NCAM2: variants seen among roughly 807,000 people sequenced by gnomAD.
The protein encoded by NCAM2 is neural cell adhesion molecule 2, also known as N-CAM-2.
NCAM2 carries 30 observed loss-of-function variants against 98.1 expected under a neutral mutation model. The observed-to-expected ratio is 0.31, with a 90% CI of 0.23 to 0.41. The LOEUF (loss-of-function observed/expected upper bound fraction) is 0.41. NCAM2 is among the 10% of genes least tolerant of loss of function. The pLI is 1.00. For missense variants in NCAM2, 867 were observed against 1,005.8 expected (o/e 0.86, Z 1.87); for synonymous variants, 368 against 342.4 (o/e 1.07, Z -0.83).
intron 1 of NCAM2, among the ~76,000 whole-genome samples, chr21:21,117,993 A>G (rs1197767571): frequency 6.6e-6 from 1 of 152,236 alleles, no homozygotes; most frequent in Non-Finnish European, 1.5e-5. Flanking sequence ...AGTGCTAGAA[A>G]TAACTTTCCA....
intron 13 of NCAM2, among the ~76,000 whole-genome samples, chr21:21,467,428 T>TA (rs1555902035): frequency 9.2e-5 from 13 of 140,734 alleles, no homozygotes; most frequent in African/African-American, 2.8e-4. Context: ...ATATATCTTT[T>TA]TATATATATA....
At chr21:21,309,665 A>C (rs1822657) in intron 5 of NCAM2, among the ~76,000 whole-genome samples, 112,497 of 151,994 alleles carry the variant, frequency 0.74, 41,766 homozygotes, top group South Asian at 0.83. Flanking sequence ...CTTTGCCATT[A>C]AGTCCTGTCT....
intron 1 of NCAM2, among the ~76,000 whole-genome samples, chr21:21,074,725 C>T (rs1202686249): frequency 6.8e-6 from 1 of 146,226 alleles, no homozygotes; most frequent in East Asian, 1.9e-4. Flanking sequence ...TTCTTTCTTG[C>T]TTCCTCTATC....
At chr21:21,368,297 C>T (rs1380408455) in intron 8 of NCAM2, among the ~76,000 whole-genome samples, 2 of 151,800 alleles carry the variant, frequency 1.3e-5, no homozygotes, top group African/African-American at 4.8e-5. Context: ...TTCATCAACA[C>T]TTTCTCATTT....
intron 1 of NCAM2, among the ~76,000 whole-genome samples, chr21:21,137,870 T>C (rs1248636226): frequency 6.6e-6 from 1 of 152,170 alleles, no homozygotes; most frequent in Non-Finnish European, 1.5e-5. Flanking sequence ...GTGATTCTTC[T>C]TTGTGTTCCT....
chr21:21,322,027 T>C (rs2074387461), intron 5 of NCAM2, among the ~76,000 whole-genome samples: 1 of 152,142 alleles, frequency 6.6e-6, no homozygotes, highest in Non-Finnish European at 1.5e-5. Flanking sequence ...CACAGTGCTA[T>C]TCACAATAGC....
chr21:21,209,925 C>T (rs945053847), intron 1 of NCAM2, among the ~76,000 whole-genome samples: 10 of 152,142 alleles, frequency 6.6e-5, no homozygotes, highest in Non-Finnish European at 1.2e-4. Flanking sequence ...TAAAACATCC[C>T]GGAAAACTTG....
intron 1 of NCAM2, among the ~76,000 whole-genome samples, chr21:21,054,679 TA>T (rs1428264235): frequency 6.6e-6 from 1 of 152,008 alleles, no homozygotes; most frequent in Non-Finnish European, 1.5e-5. Flanking sequence ...AGAAATGAAT[TA>T]AAAGTTTGAC....
At chr21:21,526,126 C>T (rs956081986) in intron 16 of NCAM2, among the ~76,000 whole-genome samples, 3 of 151,742 alleles carry the variant, frequency 2.0e-5, no homozygotes, top group African/African-American at 7.3e-5. Context: ...GAAGAACTAG[C>T]GAAAGCCATT....
intron 16 of NCAM2, among the ~76,000 whole-genome samples, chr21:21,512,594 T>G (rs1228738213): frequency 6.6e-6 from 1 of 152,012 alleles, no homozygotes; most frequent in Non-Finnish European, 1.5e-5. Flanking sequence ...TCCATATACA[T>G]TTTACGATCT....
At chr21:21,114,992 T>C (rs1425807787) in intron 1 of NCAM2, among the ~76,000 whole-genome samples, 2 of 152,054 alleles carry the variant, frequency 1.3e-5, no homozygotes, top group Non-Finnish European at 1.5e-5. Flanking sequence ...AGCTAAGTTT[T>C]GTATTTTTAG....
intron 15 of NCAM2, among the ~76,000 whole-genome samples, chr21:21,492,753 T>C (rs1986938185): frequency 6.6e-6 from 1 of 151,954 alleles, no homozygotes; most frequent in African/African-American, 2.4e-5. Flanking sequence ...ATGTGTTTGC[T>C]TCTCTACTGA....
At chr21:21,482,173 A>G (rs893073305) in intron 15 of NCAM2, among the ~76,000 whole-genome samples, 1 of 152,180 alleles carries the variant, frequency 6.6e-6, no homozygotes, top group East Asian at 1.9e-4. Flanking sequence ...ATAGAAAGTC[A>G]TATCAGAAAC....
intron 1 of NCAM2, among the ~76,000 whole-genome samples, chr21:21,026,071 T>A (rs2064538886): frequency 6.6e-6 from 1 of 152,120 alleles, no homozygotes. Context: ...GTTTGATGAG[T>A]GCTGAGAACT....
At chr21:21,018,535 T>G (rs1041966323) in intron 1 of NCAM2, among the ~76,000 whole-genome samples, 3 of 152,222 alleles carry the variant, frequency 2.0e-5, no homozygotes, top group Non-Finnish European at 4.4e-5. Context: ...AATATCACAA[T>G]AAGTATTGGA....
chr21:21,103,442 T>C lies in NCAM2; in HGVS notation c.55+104824T>C, dbSNP rs904115090. Among the ~76,000 whole-genome samples the C allele has an allele frequency of 4.7e-5, 7 of 149,426 alleles. No homozygotes were observed. The Admixed American group carries it at 4.8e-4, about 10-fold the overall frequency. ...ACACAGAATAATTTATTAGGCAGTATAATAGCAATTAATTAAGAGGAATGT... is the reference window on the plus strand; with the variant it reads ...ACACAGAATAATTTATTAGGCAGTACAATAGCAATTAATTAAGAGGAATGT... On this transcript the variant is annotated intron_variant, in intron 1 of 17. Transcript: ENST00000400546.
At chr21:21,452,955 T>C (rs1242085391) in intron 12 of NCAM2, among the ~76,000 whole-genome samples, 2 of 34,482 alleles carry the variant, frequency 5.8e-5, no homozygotes, top group African/African-American at 1.2e-4. Context: ...TTATACTATA[T>C]ATTATATATT....
intron 1 of NCAM2, among the ~76,000 whole-genome samples, chr21:21,258,742 C>T (rs1227590877): frequency 6.6e-6 from 1 of 152,096 alleles, no homozygotes; most frequent in Admixed American, 6.5e-5. Context: ...AGGGAACCTC[C>T]ACCCTTGAGT....
At chr21:21,403,062 C>A (rs1408600534) in intron 9 of NCAM2, among the ~76,000 whole-genome samples, 1 of 152,090 alleles carries the variant, frequency 6.6e-6, no homozygotes, top group East Asian at 1.9e-4. Context: ...TGATGTGGAA[C>A]ATTTTTTAAA....
Sources: allele counts gnomAD v4.1 joint callset (sites outside exome capture counted in the v4.1 genomes callset), GRCh38; gene constraint gnomAD v4.1.1; transcripts MANE v1.5; gene names NCBI Gene and HGNC (gene_info 2026-07-23, HGNC 2026-07-21).